SPOCK3: variants seen among roughly 807,000 people sequenced by gnomAD.
SPOCK3 encodes the protein testican-3.
SPOCK3 carries 30 observed loss-of-function variants against 56.6 expected under a neutral mutation model. That is an observed-to-expected ratio of 0.53 (90% CI 0.40 to 0.72). The LOEUF (loss-of-function observed/expected upper bound fraction) is 0.72. Among genes scored for constraint, SPOCK3 ranks in the 30% least tolerant of loss-of-function variants. The probability of loss-of-function intolerance (pLI) is 0.00; values close to 1 mark genes in which losing one functional copy is unlikely to be tolerated. For missense variants in SPOCK3, 527 were observed against 530.0 expected, an observed-to-expected ratio of 0.99 and a Z score of 0.06; for synonymous variants, 196 against 183.3, an observed-to-expected ratio of 1.07 and a Z score of -0.56.
At chr4:166,903,256 G>T (rs1736254052) in intron 5 of SPOCK3, among the ~76,000 whole-genome samples, 1 of 151,472 alleles carries the variant, frequency 6.6e-6, no homozygotes, top group Admixed American at 6.6e-5. Flanking sequence ...ATTAATAATA[G>T]ATTTCTACAG....
intron 6 of SPOCK3, among the ~76,000 whole-genome samples, chr4:166,842,121 C>T (rs902971240): frequency 1.3e-5 from 2 of 152,154 alleles, no homozygotes; most frequent in East Asian, 1.9e-4. Flanking sequence ...AGCTGCAGAC[C>T]TTTGCAGTGA....
rs571181594 is a variant in SPOCK3 at position 167,000,889 on chromosome 4, A to T, written c.236-426T>A. Among the ~76,000 whole-genome samples, 14 of 152,300 alleles carry T rather than the reference A, an allele frequency of 9.2e-5. No individual in the cohort carries two copies. The South Asian group carries it at 2.9e-3, about 32-fold the overall frequency. On this transcript the variant is annotated intron_variant, in intron 3 of 10. Transcript: ENST00000357545. ...TCAATAAAAGGGACAAAATGAACAA[A>T]CAAAAATGTCAGTGGACATTAATGG...
intron 6 of SPOCK3, among the ~76,000 whole-genome samples, chr4:166,829,611 T>G (rs1301365801): frequency 6.6e-6 from 1 of 152,126 alleles, no homozygotes; most frequent in Non-Finnish European, 1.5e-5. Context: ...ATACTTTCTA[T>G]GCAAATTTTT....
At chr4:167,117,188 C>A (rs2150358374) in intron 2 of SPOCK3, among the ~76,000 whole-genome samples, 1 of 151,646 alleles carries the variant, frequency 6.6e-6, no homozygotes, top group Non-Finnish European at 1.5e-5. Flanking sequence ...TCACATATAC[C>A]CCATAAATAT....
chr4:166,995,889 C>G (rs1443532148), intron 4 of SPOCK3, among the ~76,000 whole-genome samples: 2 of 152,094 alleles, frequency 1.3e-5, no homozygotes, highest in Admixed American at 6.6e-5. Flanking sequence ...CAATTCAGTT[C>G]AGCAAACATT....
intron 2 of SPOCK3, among the ~76,000 whole-genome samples, chr4:167,230,196 A>C (rs753104871): frequency 2.6e-5 from 4 of 151,940 alleles, no homozygotes; most frequent in Non-Finnish European, 5.9e-5. Context: ...TAATGTTATT[A>C]TACCATGCAT....
intron 6 of SPOCK3, among the ~76,000 whole-genome samples, chr4:166,834,526 C>G (rs1746411634): frequency 6.6e-6 from 1 of 152,178 alleles, no homozygotes. Context: ...AACCATTGTT[C>G]TTCTAGCGCT....
At chr4:166,958,513 C>T (rs1743777101) in intron 4 of SPOCK3, among the ~76,000 whole-genome samples, 1 of 152,180 alleles carries the variant, frequency 6.6e-6, no homozygotes, top group African/African-American at 2.4e-5. Context: ...TCACAGGTCT[C>T]CCTGACTCAA....
intron 2 of SPOCK3, among the ~76,000 whole-genome samples, chr4:167,217,276 T>C (rs976361011): frequency 2.0e-5 from 3 of 152,074 alleles, no homozygotes; most frequent in Non-Finnish European, 2.9e-5. Flanking sequence ...TTCACGTCCA[T>C]GCATTCAACC....
rs923646345 is a variant in SPOCK3, at chr4:167,181,103, A to AT, written c.189+52881dup. On this transcript the variant is annotated intron_variant, in intron 2 of 10. Coordinates refer to ENST00000357545, the MANE Select transcript of SPOCK3 (RefSeq NM_001040159.2). Reference sequence around the variant, plus strand: ...CTTCCAAATGTATACCTCTGTTCCCATTTTTTCCTTAATCCTCCAGACTCT... The same window carrying AT: ...CTTCCAAATGTATACCTCTGTTCCCATTTTTTTCCTTAATCCTCCAGACTCT... 8.5e-5 allele frequency among the ~76,000 whole-genome samples: 13 copies of AT among 152,098 alleles called. No individual in the cohort carries two copies. The East Asian group carries it at 2.3e-3, about 27-fold the overall frequency.
At chr4:166,977,451 A>G (rs998253834) in intron 4 of SPOCK3, among the ~76,000 whole-genome samples, 1 of 151,780 alleles carries the variant, frequency 6.6e-6, no homozygotes, top group African/African-American at 2.4e-5. Context: ...GCAAGAAAGA[A>G]CTATTTATGA....
intron 4 of SPOCK3, among the ~76,000 whole-genome samples, chr4:166,965,734 A>G (rs1190392097): frequency 1.3e-5 from 2 of 152,074 alleles, no homozygotes; most frequent in Non-Finnish European, 2.9e-5. Flanking sequence ...AGTAGCAGGT[A>G]CAGAGATTTC....
At chr4:167,145,902 C>G (rs1763909059) in intron 2 of SPOCK3, among the ~76,000 whole-genome samples, 1 of 152,088 alleles carries the variant, frequency 6.6e-6, no homozygotes, top group Non-Finnish European at 1.5e-5. Context: ...ACTGCATCAG[C>G]TAATGGGCAA....
Position 166,769,046 on chromosome 4 carries a change from T to G in SPOCK3, c.710-14317A>C, listed in dbSNP as rs538442088. Among the ~76,000 whole-genome samples, 8 of 152,314 alleles carry G rather than the reference T, an allele frequency of 5.3e-5. 1 individual carries two copies. Among genetic ancestry groups the G allele is most frequent in the Middle Eastern group, 3.4e-3 (1 of 294 alleles). ...ATGGTTTTCAGCTCTATCAGGTGATTTAAGGACTTCTCTACAGTGGTTATT... is the reference window on the plus strand; with the variant it reads ...ATGGTTTTCAGCTCTATCAGGTGATGTAAGGACTTCTCTACAGTGGTTATT... On this transcript the variant is annotated intron_variant, in intron 7 of 10. Transcript: ENST00000357545.
intron 4 of SPOCK3, among the ~76,000 whole-genome samples, chr4:166,968,421 G>A (rs184648063): frequency 6.6e-6 from 1 of 152,262 alleles, no homozygotes; most frequent in African/African-American, 2.4e-5. Flanking sequence ...AATGCTTTTT[G>A]GAGGGCATGC....
intron 4 of SPOCK3, among the ~76,000 whole-genome samples, chr4:166,972,745 T>C (rs1214135208): frequency 6.6e-6 from 1 of 151,752 alleles, no homozygotes; most frequent in Non-Finnish European, 1.5e-5. Context: ...TCAGTTATAC[T>C]ACAGTCTTAA....
rs192545610 is a variant in SPOCK3, at chr4:166,955,893, G to A, written c.351-43150C>T. Among the ~76,000 whole-genome samples the A allele has an allele frequency of 4.8e-4, 73 of 151,720 alleles. 1 individual carries two copies. The East Asian group carries it at 5.0e-3, about 10-fold the overall frequency. ...TCTTCTGTCACTTTTCCTGGAAAGC[G>A]TTCATTTTTGAATCTCACATCATCA... On this transcript the variant is annotated intron_variant, in intron 4 of 10. Transcript: ENST00000357545.
At chr4:166,910,089 C>T (rs1483936346) in intron 5 of SPOCK3, among the ~76,000 whole-genome samples, 1 of 152,118 alleles carries the variant, frequency 6.6e-6, no homozygotes, top group Non-Finnish European at 1.5e-5. Context: ...TCACCTAAAT[C>T]TTTACTGGGC....
chr4:167,003,254 A>G (rs914249139), intron 3 of SPOCK3, among the ~76,000 whole-genome samples: 1 of 152,304 alleles, frequency 6.6e-6, no homozygotes, highest in South Asian at 2.1e-4. Flanking sequence ...TTTTATGTAA[A>G]TGACCAAATA....
Sources: gnomAD v4.1 joint callset for allele counts (sites outside exome capture counted in the v4.1 genomes callset) on GRCh38, gnomAD v4.1.1 for gene constraint, MANE v1.5 for transcripts, NCBI Gene and HGNC (gene_info 2026-07-23, HGNC 2026-07-21) for gene names.